The following FOXP2 variants were observed in gnomAD, a reference collection of about 807,000 sequenced individuals.
The protein encoded by FOXP2 is forkhead box protein P2.
In FOXP2, 12 loss-of-function variants were observed where a neutral mutation model predicts 115.8. The ratio of observed to expected loss-of-function variants is 0.10; its 90% confidence interval spans 0.07 to 0.17. The LOEUF (loss-of-function observed/expected upper bound fraction) is 0.17. Ranked by LOEUF, FOXP2 falls within the 10% of genes least tolerant of loss-of-function variation. The pLI is 1.00. For synonymous variants in FOXP2, 328 were observed against 297.7 expected, an observed-to-expected ratio of 1.10 and a Z score of -1.05; for missense variants, 629 against 843.5, an observed-to-expected ratio of 0.75 and a Z score of 3.15.
intron 11 of FOXP2, among the ~76,000 whole-genome samples, chr7:114,658,852 T>G (rs1806724375): frequency 6.6e-6 from 1 of 152,144 alleles, no homozygotes; most frequent in Non-Finnish European, 1.5e-5. Context: ...CCCTGGGGCA[T>G]CTGGATAATC....
intron 13 of FOXP2, 78 bp from the exon 14 acceptor site, chr7:114,661,987 T>A (rs34982919): frequency 7.2e-5 from 111 of 1,547,744 alleles, no homozygotes; most frequent in Non-Finnish European, 9.5e-5. Context: ...TTAAGTAAGA[T>A]CAATAATGTA....
At chr7:114,294,796 G>A (rs1293409311) in intron 2 of FOXP2, among the ~76,000 whole-genome samples, 2 of 152,082 alleles carry the variant, frequency 1.3e-5, no homozygotes, top group East Asian at 1.9e-4. Flanking sequence ...AGCTGGGATT[G>A]TGCCACCGCA....
chr7:114,108,914 G>T (rs1791194876), intron 1 of FOXP2, among the ~76,000 whole-genome samples: 1 of 151,822 alleles, frequency 6.6e-6, no homozygotes, highest in Non-Finnish European at 1.5e-5. Flanking sequence ...ATATTTGTCT[G>T]CCCTGTTTTT....
In FOXP2 at chr7:114,642,779, A is replaced by AATATAT. The variant is rs869055954; in HGVS notation, c.989+185_989+190dup. On this transcript the variant is annotated intron_variant, in intron 7 of 16. Transcript: ENST00000350908. ...AGATTATTTATCTTATTTTATATAT[A>AATATAT]ATATATATATATATATATATATATA... Among the ~76,000 whole-genome samples the AATATAT allele has an allele frequency of 1.2e-3, 113 of 91,160 alleles. 2 individuals carry two copies. The East Asian group carries it at 0.014, about 12-fold the overall frequency. 59.8% of individuals were successfully genotyped at this position (91,160 alleles called of 152,430 possible). A position where few individuals can be genotyped will look rare whatever the true frequency, so the allele number is the denominator to read the frequency against.
At position 114,625,680 on chromosome 7, in the gene FOXP2, A is replaced by G. The variant is rs114106645; in HGVS notation, c.259-2860A>G. ...TGTCGCTTAAAATGAGTCACTTAAA[A>G]ATGAAGGCTATGCATTTCTCAAATT... On this transcript the variant is annotated intron_variant, in intron 3 of 16. Transcript: ENST00000350908. 5.9e-3 allele frequency among the ~76,000 whole-genome samples: 903 copies of G among 151,950 alleles called. 6 individuals carry two copies. The highest frequency in any genetic ancestry group is 0.018 in the African/African-American group (761 of 41,536).
intron 1 of FOXP2, among the ~76,000 whole-genome samples, chr7:114,228,051 TA>T (rs1750882519): frequency 6.6e-6 from 1 of 152,086 alleles, no homozygotes; most frequent in Non-Finnish European, 1.5e-5. Context: ...TAATGCTTCT[TA>T]GTTTATTATG....
At chr7:114,158,017 A>G (rs1792714936) in intron 1 of FOXP2, among the ~76,000 whole-genome samples, 2 of 152,114 alleles carry the variant, frequency 1.3e-5, no homozygotes, top group Non-Finnish European at 2.9e-5. Context: ...TAGAACTGAA[A>G]ATATATCAGC....
chr7:114,450,763 TA>T (rs923353004), intron 2 of FOXP2, among the ~76,000 whole-genome samples: 1 of 152,080 alleles, frequency 6.6e-6, no homozygotes, highest in South Asian at 2.1e-4. Flanking sequence ...TCTTTATGAT[TA>T]AAAAAACAAC....
At chr7:114,143,871 T>C (rs116065324) in intron 1 of FOXP2, among the ~76,000 whole-genome samples, 190 of 152,282 alleles carry the variant, frequency 1.2e-3, no homozygotes, top group African/African-American at 4.5e-3. Flanking sequence ...GTCCCTGACT[T>C]ATGCTGGTTC....
At chr7:114,516,748 T>C (rs1250976550) in intron 2 of FOXP2, among the ~76,000 whole-genome samples, 1 of 152,052 alleles carries the variant, frequency 6.6e-6, no homozygotes, top group African/African-American at 2.4e-5. Context: ...AAGGCTGGAA[T>C]GCAGTGGCGC....
chr7:114,558,712 A>T (rs1800594256), intron 3 of FOXP2, among the ~76,000 whole-genome samples: 1 of 152,022 alleles, frequency 6.6e-6, no homozygotes, highest in African/African-American at 2.4e-5. Flanking sequence ...AGAGTCCTTT[A>T]TTATCTCATC....
At chr7:114,388,377 T>C (rs753759200) in intron 2 of FOXP2, among the ~76,000 whole-genome samples, 3 of 149,052 alleles carry the variant, frequency 2.0e-5, no homozygotes, top group Non-Finnish European at 4.4e-5. Flanking sequence ...CTAAGTAAGT[T>C]GACAAGGAAC....
At chr7:114,510,328 T>C (rs1798010088) in intron 2 of FOXP2, among the ~76,000 whole-genome samples, 1 of 152,176 alleles carries the variant, frequency 6.6e-6, no homozygotes, top group Non-Finnish European at 1.5e-5. Flanking sequence ...AAGGCCAGTA[T>C]TTATTCCATT....
intron 2 of FOXP2, among the ~76,000 whole-genome samples, chr7:114,296,508 T>C (rs921999883): frequency 2.6e-5 from 4 of 152,168 alleles, no homozygotes; most frequent in African/African-American, 9.6e-5. Context: ...TTTTTCTTTT[T>C]GAATAAGACT....
At chr7:114,102,297 T>C (rs1470477393) in intron 1 of FOXP2, among the ~76,000 whole-genome samples, 1 of 151,982 alleles carries the variant, frequency 6.6e-6, no homozygotes, top group Non-Finnish European at 1.5e-5. Flanking sequence ...ATAGATGAGG[T>C]GTCCCAAACC....
intron 3 of FOXP2, among the ~76,000 whole-genome samples, chr7:114,573,938 A>G (rs779823992): frequency 5.3e-5 from 8 of 151,790 alleles, no homozygotes; most frequent in Non-Finnish European, 1.2e-4. Context: ...TAATTGTATC[A>G]ATTTACTAGC....
intron 1 of FOXP2, among the ~76,000 whole-genome samples, chr7:114,272,025 A>C (rs960283803): frequency 3.6e-5 from 5 of 138,762 alleles, no homozygotes; most frequent in Non-Finnish European, 6.1e-5. Flanking sequence ...AATATTAATA[A>C]ATAATAATAT....
At chr7:114,322,022 CTT>C (rs5886698) in intron 2 of FOXP2, among the ~76,000 whole-genome samples, 7,108 of 128,298 alleles carry the variant, frequency 0.055, 462 homozygotes, top group African/African-American at 0.16. Flanking sequence ...CAGAGGATTC[CTT>C]TTTTTTTTTT....
chr7:114,175,679 A>T (rs1011845960), intron 1 of FOXP2, among the ~76,000 whole-genome samples: 4 of 152,184 alleles, frequency 2.6e-5, no homozygotes, highest in Non-Finnish European at 4.4e-5. Context: ...ACCTAAAATA[A>T]ATACACATCA....
Sources: allele counts gnomAD v4.1 joint callset (sites outside exome capture counted in the v4.1 genomes callset), GRCh38; gene constraint gnomAD v4.1.1; transcripts MANE v1.5; gene names NCBI Gene and HGNC (gene_info 2026-07-23, HGNC 2026-07-21).